CNTN1: variants seen among roughly 807,000 people sequenced by gnomAD.
CNTN1 encodes contactin 1, also known as contactin-1.
CNTN1 carries 38 observed loss-of-function variants against 126.4 expected under a neutral mutation model. That is an observed-to-expected ratio of 0.30 (90% CI 0.23 to 0.39). The LOEUF is 0.39. CNTN1 is among the 10% of genes least tolerant of loss of function. The pLI is 1.00. For missense variants in CNTN1, 1,009 were observed against 1,248.4 expected, an observed-to-expected ratio of 0.81 and a Z score of 2.89; for synonymous variants, 413 against 422.6, an observed-to-expected ratio of 0.98 and a Z score of 0.28.
At chr12:41,042,182 T>G (rs1592449289) in intron 23 of CNTN1, among the ~76,000 whole-genome samples, 1 of 152,160 alleles carries the variant, frequency 6.6e-6, no homozygotes, top group African/African-American at 2.4e-5. Context: ...TACCCAGTAG[T>G]CATTCAGGAG....
chr12:40,981,512 A>G (rs1441436600), intron 16 of CNTN1, among the ~76,000 whole-genome samples: 1 of 152,168 alleles, frequency 6.6e-6, no homozygotes, highest in African/African-American at 2.4e-5. Context: ...AAATCTTACT[A>G]CTATAACCCT....
chr12:40,950,019 G>C (rs745619894), intron 14 of CNTN1, among the ~76,000 whole-genome samples: 1 of 152,056 alleles, frequency 6.6e-6, no homozygotes, highest in Non-Finnish European at 1.5e-5. Context: ...CAGGGAGATC[G>C]TGGAAGCCCT....
At chr12:40,852,255 C>A (rs1428981333) in intron 1 of CNTN1, among the ~76,000 whole-genome samples, 1 of 152,136 alleles carries the variant, frequency 6.6e-6, no homozygotes, top group African/African-American at 2.4e-5. Context: ...ATCAAATTAA[C>A]CCCTCGGTTT....
rs182515396 is a variant in CNTN1 at position 40,759,310 on chromosome 12, G to A, written c.-77+66718G>A. ...TTAGTTCTGATTGGTTGATAGAACT[G>A]AGCCCTGATTGGCTGGGTCAAGGGA... On this transcript the variant is annotated intron_variant, in intron 1 of 23. Transcript: ENST00000551295. Among the ~76,000 whole-genome samples, 5 of 152,250 alleles carry A rather than the reference G, an allele frequency of 3.3e-5. No homozygotes were observed. In the East Asian group the frequency reaches 9.7e-4, roughly 29 times the overall value.
intron 23 of CNTN1, among the ~76,000 whole-genome samples, chr12:41,045,545 G>C (rs1453259472): frequency 6.6e-6 from 1 of 152,084 alleles, no homozygotes; most frequent in African/African-American, 2.4e-5. Flanking sequence ...CATAGTAAGA[G>C]GGAATATAAA....
At chr12:41,039,601 G>C (rs1463378662) in intron 23 of CNTN1, among the ~76,000 whole-genome samples, 1 of 152,132 alleles carries the variant, frequency 6.6e-6, no homozygotes, top group African/African-American at 2.4e-5. Flanking sequence ...AGTGGAGAGA[G>C]AGAAAAAGAG....
chr12:40,700,540 A>G (rs1941569191), intron 1 of CNTN1, among the ~76,000 whole-genome samples: 2 of 152,162 alleles, frequency 1.3e-5, no homozygotes, highest in Non-Finnish European at 2.9e-5. Flanking sequence ...TAAAAAAAAA[A>G]ATAAAAAATA....
intron 1 of CNTN1, among the ~76,000 whole-genome samples, chr12:40,795,869 A>G (rs1940408584): frequency 6.6e-6 from 1 of 152,044 alleles, no homozygotes; most frequent in South Asian, 2.1e-4. Flanking sequence ...GTGTTTTTTA[A>G]ATTTTTTACT....
At chr12:41,031,188 A>G (rs989207617) in intron 23 of CNTN1, among the ~76,000 whole-genome samples, 2 of 152,320 alleles carry the variant, frequency 1.3e-5, no homozygotes, top group Non-Finnish European at 2.9e-5. Flanking sequence ...ACCTATCACT[A>G]ATGGCACTGG....
intron 1 of CNTN1, among the ~76,000 whole-genome samples, chr12:40,896,300 T>TC (rs1251843660): frequency 6.6e-6 from 1 of 152,164 alleles, no homozygotes; most frequent in Non-Finnish European, 1.5e-5. Context: ...TGTTTTTTTT[T>TC]CCCTCTCTCT....
intron 3 of CNTN1, among the ~76,000 whole-genome samples, chr12:40,910,797 AT>A (rs1274922604): frequency 4.6e-5 from 7 of 152,254 alleles, no homozygotes; most frequent in African/African-American, 1.7e-4. Flanking sequence ...AACTTCTAGC[AT>A]AATGACTGGC....
At chr12:40,707,335 G>A (rs1370774350) in intron 1 of CNTN1, among the ~76,000 whole-genome samples, 1 of 143,308 alleles carries the variant, frequency 7.0e-6, no homozygotes, top group Non-Finnish European at 1.5e-5. Context: ...TACAAGCTCC[G>A]CCTCCTGGGT....
At chr12:40,821,385 A>T (rs1258053449) in intron 1 of CNTN1, among the ~76,000 whole-genome samples, 2 of 152,208 alleles carry the variant, frequency 1.3e-5, no homozygotes, top group Non-Finnish European at 2.9e-5. Flanking sequence ...AAAAAGAAAA[A>T]CTGCCTATTT....
chr12:40,970,348 G>A (rs1403676695), intron 15 of CNTN1, among the ~76,000 whole-genome samples: 1 of 151,824 alleles, frequency 6.6e-6, no homozygotes, highest in Non-Finnish European at 1.5e-5. Flanking sequence ...TCTAAAATTA[G>A]GATTTTCAGT....
At position 40,801,388 on chromosome 12, in the gene CNTN1, G is replaced by A. The variant is rs550541661; in HGVS notation, c.-76-106969G>A. 1.4e-4 allele frequency among the ~76,000 whole-genome samples: 22 copies of A among 152,064 alleles called. No homozygotes were observed. In the East Asian group the frequency reaches 4.3e-3, roughly 29 times the overall value. On this transcript the variant is annotated intron_variant, in intron 1 of 23. Transcript: ENST00000551295. ...TATGTTCTTTGCTGTAGTGGAAATT[G>A]CATTATAGTGGAAGAGTTAGGTATT... is the stretch of plus-strand genomic sequence containing the variant.
chr12:40,830,960 TATACACAC>T (rs1386248142), intron 1 of CNTN1, among the ~76,000 whole-genome samples: 1 of 120,950 alleles, frequency 8.3e-6, no homozygotes, highest in Non-Finnish European at 1.7e-5. Context: ...TATATATATA[TATACACAC>T]ACACACACAC....
chr12:40,841,514 C>T (rs948225102), intron 1 of CNTN1, among the ~76,000 whole-genome samples: 12 of 151,876 alleles, frequency 7.9e-5, no homozygotes, highest in African/African-American at 2.4e-4. Context: ...GGAACATGGA[C>T]ACAAAAATCT....
At chr12:40,920,279 G>A (rs1214548578) in intron 4 of CNTN1, among the ~76,000 whole-genome samples, 1 of 152,046 alleles carries the variant, frequency 6.6e-6, no homozygotes, top group Non-Finnish European at 1.5e-5. Context: ...CATGGAAAAG[G>A]CTATGCTTCT....
chr12:40,892,955 T>TGGTG (rs1555174965), intron 1 of CNTN1, among the ~76,000 whole-genome samples: 1 of 134,868 alleles, frequency 7.4e-6, no homozygotes, highest in African/African-American at 3.2e-5. Context: ...AAATGAAAAC[T>TGGTG]GGGGGGGGTG....
Sources: gnomAD v4.1 joint callset for allele counts (sites outside exome capture counted in the v4.1 genomes callset) on GRCh38, gnomAD v4.1.1 for gene constraint, MANE v1.5 for transcripts, NCBI Gene and HGNC (gene_info 2026-07-23, HGNC 2026-07-21) for gene names.